The following PTPRN2 variants were observed in gnomAD, a reference collection of about 807,000 sequenced individuals.
The protein encoded by PTPRN2 is protein tyrosine phosphatase receptor type N2.
A neutral mutation model predicts 118.8 loss-of-function variants in PTPRN2; 74 were observed. That is an observed-to-expected ratio of 0.62 (90% CI 0.52 to 0.76). The LOEUF is 0.76. Among genes scored for constraint, PTPRN2 ranks in the 30% least tolerant of loss-of-function variants. The pLI is 0.00. For synonymous variants in PTPRN2, 641 were observed against 608.0 expected, an observed-to-expected ratio of 1.05 and a Z score of -0.80; for missense variants, 1,481 against 1,394.4, an observed-to-expected ratio of 1.06 and a Z score of -0.99.
rs895457505 is a variant in PTPRN2, at chr7:158,526,337, C to G, written c.113-36552G>C. Among the ~76,000 whole-genome samples the G allele has an allele frequency of 4.6e-5, 7 of 152,288 alleles. No homozygotes were observed. In the East Asian group the frequency reaches 1.4e-3, roughly 29 times the overall value. ...GAGCTCGGCAGGGCTGCATCTCTCC[C>G]GTGGGACGCTGCAGAGATAACCAGG... On this transcript the variant is annotated intron_variant, in intron 1 of 22. Coordinates refer to ENST00000389418, the MANE Select transcript of PTPRN2 (RefSeq NM_002847.5). This position sits in a 1 kb window ranked among gnomAD's most constrained non-coding sequence, Gnocchi z 5.2.
chr7:158,313,864 CTG>C (rs1347088021), intron 3 of PTPRN2, among the ~76,000 whole-genome samples: 3 of 152,178 alleles, frequency 2.0e-5, no homozygotes, highest in African/African-American at 7.2e-5. Context: ...AAACTCATCT[CTG>C]TTGGGGAATT....
intron 14 of PTPRN2, among the ~76,000 whole-genome samples, chr7:157,641,760 C>T (rs1057296090): frequency 6.6e-6 from 1 of 152,202 alleles, no homozygotes; most frequent in Non-Finnish European, 1.5e-5. Flanking sequence ...GTGCTCCCAC[C>T]TTCTGCAAAC....
At chr7:158,258,226 C>A (rs536346823) in intron 3 of PTPRN2, among the ~76,000 whole-genome samples, 1 of 152,328 alleles carries the variant, frequency 6.6e-6, no homozygotes, top group Non-Finnish European at 1.5e-5. Context: ...TCCGCTCTGT[C>A]TGCTGCAGAG....
At chr7:157,595,558 TGGAGGTTAGGAAGCCA>T (rs1801268232) in intron 16 of PTPRN2, among the ~76,000 whole-genome samples, 9 of 93,892 alleles carry the variant, frequency 9.6e-5, no homozygotes, top group Non-Finnish European at 1.6e-4. Flanking sequence ...TTAGGAAGCC[TGGAGGTTAGGAAGCCA>T]GGAGGTTAGG....
chr7:158,112,420 A>C (rs1816359229), intron 9 of PTPRN2, among the ~76,000 whole-genome samples: 1 of 152,202 alleles, frequency 6.6e-6, no homozygotes, highest in Non-Finnish European at 1.5e-5. Context: ...GTCACAGAGC[A>C]GCTGGGTGGA....
intron 3 of PTPRN2, among the ~76,000 whole-genome samples, chr7:158,312,744 C>CA (rs1801950909): frequency 6.7e-6 from 1 of 149,084 alleles, no homozygotes; most frequent in African/African-American, 2.5e-5. Context: ...CACACCTGCA[C>CA]ACTCATTCAC....
intron 11 of PTPRN2, among the ~76,000 whole-genome samples, chr7:157,967,174 T>G (rs1392720434): frequency 3.3e-5 from 5 of 152,282 alleles, no homozygotes; most frequent in Admixed American, 2.0e-4. Context: ...TTTTTAAAAA[T>G]TAGCCAGATG....
At chr7:158,080,580 A>T (rs1427329211) in intron 11 of PTPRN2, among the ~76,000 whole-genome samples, 1 of 20,680 alleles carries the variant, frequency 4.8e-5, no homozygotes. Context: ...CAACAAGTTT[A>T]AAAAAAAAAA....
chr7:157,770,229 A>T (rs977838478), intron 12 of PTPRN2, among the ~76,000 whole-genome samples: 5 of 152,260 alleles, frequency 3.3e-5, no homozygotes, highest in African/African-American at 1.2e-4. Flanking sequence ...GCTTAGCTTC[A>T]GAGCAGAGTT....
intron 6 of PTPRN2, among the ~76,000 whole-genome samples, chr7:158,152,857 C>T (rs1324738403): frequency 1.3e-5 from 2 of 149,178 alleles, no homozygotes; most frequent in Non-Finnish European, 3.0e-5. Flanking sequence ...AGCACGCCAG[C>T]AGGCCACCAA....
chr7:158,097,620 A>G (rs1334919954), intron 10 of PTPRN2, among the ~76,000 whole-genome samples: 1 of 152,150 alleles, frequency 6.6e-6, no homozygotes, highest in South Asian at 2.1e-4. Flanking sequence ...TTTTCCCAGG[A>G]GCACTGCCCA....
chr7:158,213,774 C>T (rs908304368), intron 3 of PTPRN2, among the ~76,000 whole-genome samples: 1 of 152,014 alleles, frequency 6.6e-6, no homozygotes, highest in Non-Finnish European at 1.5e-5. Flanking sequence ...ATTTTAACCA[C>T]GCCATTCCTA....
intron 9 of PTPRN2, among the ~76,000 whole-genome samples, chr7:158,112,504 G>T (rs1403139644): frequency 6.6e-6 from 1 of 152,198 alleles, no homozygotes; most frequent in African/African-American, 2.4e-5. Flanking sequence ...GCTGTCCGGT[G>T]GGGAGCCTGG....
At chr7:158,212,141 C>A (rs372840318) in intron 3 of PTPRN2, among the ~76,000 whole-genome samples, 3 of 151,826 alleles carry the variant, frequency 2.0e-5, no homozygotes, top group Non-Finnish European at 4.4e-5. Context: ...ATGTTCTCAC[C>A]GATTTGTGGG....
At chr7:157,702,066 T>G (rs778027490) in intron 12 of PTPRN2, among the ~76,000 whole-genome samples, 1 of 145,468 alleles carries the variant, frequency 6.9e-6, no homozygotes, top group Non-Finnish European at 1.5e-5. Flanking sequence ...GTAACTGACG[T>G]GGGCTGTGCA....
intron 12 of PTPRN2, among the ~76,000 whole-genome samples, chr7:157,685,688 G>T (rs978743873): frequency 1.3e-5 from 2 of 152,200 alleles, no homozygotes; most frequent in East Asian, 3.9e-4. Flanking sequence ...GAGCGGAACC[G>T]GGCCTGCTTT....
intron 2 of PTPRN2, among the ~76,000 whole-genome samples, chr7:158,430,197 C>T (rs964853659): frequency 4.6e-5 from 7 of 152,184 alleles, no homozygotes; most frequent in African/African-American, 7.2e-5. Flanking sequence ...TGAGCCACCA[C>T]GCCCAGCTGG....
At chr7:158,446,048 C>G (rs1381619316) in intron 2 of PTPRN2, among the ~76,000 whole-genome samples, 2 of 152,156 alleles carry the variant, frequency 1.3e-5, no homozygotes, top group Non-Finnish European at 2.9e-5. Context: ...CGTGAGAACC[C>G]AGGACACTCA....
At position 158,250,377 on chromosome 7, in the gene PTPRN2, A is replaced by T. The variant is rs114631053; in HGVS notation, c.278-45104T>A. Among the ~76,000 whole-genome samples the T allele has an allele frequency of 4.0e-3, 605 of 152,310 alleles. 6 individuals carry two copies. Among genetic ancestry groups the T allele is most frequent in the African/African-American group, 0.014 (579 of 41,572 alleles). ...TTGTTATACATTTATAGCATAATGC[A>T]TGCCTATTTAAGAAAATTGAAATGG... is the stretch of plus-strand genomic sequence containing the variant. On this transcript the variant is annotated intron_variant, in intron 3 of 22. Coordinates refer to ENST00000389418, the MANE Select transcript of PTPRN2 (RefSeq NM_002847.5).
Sources: gnomAD v4.1 joint callset for allele counts (sites outside exome capture counted in the v4.1 genomes callset) on GRCh38, gnomAD v4.1.1 for gene constraint, Gnocchi (gnomAD v3.1) non-coding constraint, MANE v1.5 for transcripts, NCBI Gene and HGNC (gene_info 2026-07-23, HGNC 2026-07-21) for gene names.